The following RCCD1 variants were observed in gnomAD, a reference collection of about 807,000 sequenced individuals.
RCCD1 encodes RCC1 domain-containing protein 1.
Under a neutral mutation model 37.6 loss-of-function variants are expected in RCCD1, and 40 were observed. The ratio of observed to expected loss-of-function variants is 1.06; its 90% CI spans 0.83 to 1.39. The LOEUF (loss-of-function observed/expected upper bound fraction) is 1.39, where lower values mean the gene tolerates loss of function less well. RCCD1 is among the 40% of genes most tolerant of loss of function. The pLI is 0.00. For missense variants in RCCD1, 577 were observed against 517.3 expected, an observed-to-expected ratio of 1.12 and a Z score of -1.12; for synonymous variants, 263 against 230.0, an observed-to-expected ratio of 1.14 and a Z score of -1.30.
rs781321460 is a variant in RCCD1, at chr15:90,956,776, C to T, written c.42C>T (p.Phe14=). 3.3e-5 allele frequency: 44 copies of T among 1,335,672 alleles called. No individual in the cohort carries two copies. Among genetic ancestry groups the T allele is most frequent in the Non-Finnish European group, 4.2e-5 (44 of 1,042,526 alleles). 82.7% of individuals were successfully genotyped at this position (1,335,672 alleles called of 1,614,324 possible). The change falls in exon 2 of 8, where the codon TTC becomes TTT. Residue 14 remains phenylalanine (F), a synonymous_variant. Coordinates refer to ENST00000394258, the MANE Select transcript of RCCD1 (RefSeq NM_001017919.2). Reference sequence around the variant, plus strand: ...CGGGGGCCTGGTTCGGCTTCGGTTTCTGCGGCTTCGGGCAGGAGCTGGGCT... The same window carrying T: ...CGGGGGCCTGGTTCGGCTTCGGTTTTTGCGGCTTCGGGCAGGAGCTGGGCT... ...ERPGAWFGFG[F]CGFGQELGSG... is the part of the protein sequence containing the mutation.
At position 90,961,709 on chromosome 15, in the gene RCCD1, G is replaced by A; in HGVS notation, c.1071G>A (p.Lys357=). 6.2e-7 allele frequency: 1 copy of A among 1,614,202 alleles called. No homozygotes were observed. Among genetic ancestry groups the A allele is most frequent in the Non-Finnish European group, 8.5e-7 (1 of 1,180,028 alleles). ...EYFVDKQLQV[K]AVTCGPWNTY... ...TTGTAGATAAGCAACTCCAAGTAAA[G>A]GCTGTCACCTGTGGGCCGTGGAACA... Residue 357 remains lysine (K), a synonymous_variant, in exon 8 of 8, where the codon AAG becomes AAA. Transcript: ENST00000394258.
At position 90,960,505 on chromosome 15, in the gene RCCD1, G is replaced by T; in HGVS notation, c.949+7G>T. ...CACACAGCTGTGGTGACACGTGAGT[G>T]GGGCTGGGAGGCACTCTGCTCCACT... On this transcript the variant is annotated splice_region_variant and intron_variant, in intron 6 of 7. Coordinates refer to ENST00000394258, the MANE Select transcript of RCCD1 (RefSeq NM_001017919.2). The T allele has an allele frequency of 6.2e-7, 1 of 1,603,092 alleles. No individual in the cohort carries two copies. The highest frequency in any genetic ancestry group is 8.5e-7 in the Non-Finnish European group (1 of 1,177,770).
At position 90,960,466 on chromosome 15, in the gene RCCD1, G is replaced by T; in HGVS notation, c.917G>T (p.Ser306Ile). ...ATGGGCTCAGATGCAGTCAAGGCCA[G>T]CTGTGGATCCCGGCACACAGCTGTG... Reference protein sequence around the residue: ...LPMGSDAVKASCGSRHTAVVT... With the variant: ...LPMGSDAVKAICGSRHTAVVT... The change falls in exon 6 of 8, where the codon AGC becomes ATC. Residue 306 changes from serine to isoleucine, a missense_variant. Transcript: ENST00000394258. The T allele has an allele frequency of 2.5e-6, 4 of 1,612,180 alleles. No homozygotes were observed. Among genetic ancestry groups the T allele is most frequent in the Non-Finnish European group, 3.4e-6 (4 of 1,179,968 alleles).
At chr15:90,958,627 CAAAAAAA>C (rs5814447) in intron 4 of RCCD1, among the ~76,000 whole-genome samples, 2 of 75,014 alleles carry the variant, frequency 2.7e-5, no homozygotes, top group Non-Finnish European at 5.3e-5. Context: ...GACTCAGTCT[CAAAAAAA>C]AAAAAAAAAA....
Position 90,961,927 on chromosome 15 carries a change from C to A in RCCD1, c.*158C>A. Reference sequence around the variant, plus strand: ...CCTAAACTTGTCTGCACTTTAGAAACACCTGGAGAGCATTGAAAACTCTGC... The same window carrying A: ...CCTAAACTTGTCTGCACTTTAGAAAAACCTGGAGAGCATTGAAAACTCTGC... On this transcript the variant is annotated 3_prime_UTR_variant, in exon 8 of 8. Transcript: ENST00000394258. The A allele has an allele frequency of 1.8e-6, 1 of 569,196 alleles. No individual in the cohort carries two copies. The highest frequency in any genetic ancestry group is 3.0e-6 in the Non-Finnish European group (1 of 335,898). The allele number at this position is 569,196 out of a possible 1,614,324, so 35.3% of individuals were successfully genotyped here.
rs140875352 is a variant in RCCD1 at position 90,960,322 on chromosome 15, C to G, written c.779-6C>G. On this transcript the variant is annotated splice_region_variant and splice_polypyrimidine_tract_variant and intron_variant, in intron 5 of 7. Coordinates refer to ENST00000394258, the MANE Select transcript of RCCD1 (RefSeq NM_001017919.2). Reference sequence around the variant, plus strand: ...TGGTGTTCACATCATTATTATCATTCTGAAGCCACAGAACTGAATGAAGAT... The same window carrying G: ...TGGTGTTCACATCATTATTATCATTGTGAAGCCACAGAACTGAATGAAGAT... 3.0e-3 allele frequency: 4,808 copies of G among 1,592,174 alleles called. 10 individuals carry two copies. Among genetic ancestry groups the G allele is most frequent in the Middle Eastern group, 3.7e-3 (22 of 5,950 alleles).
Position 90,961,685 on chromosome 15 carries a change from T to A in RCCD1, c.1047T>A (p.Phe349Leu), listed in dbSNP as rs766877905. ...ATCGGCCTCGCCGTGTGGAATACTT[T>A]GTAGATAAGCAACTCCAAGTAAAGG... is the stretch of plus-strand genomic sequence containing the variant. ...SLDRPRRVEY[F>L]VDKQLQVKAV... Residue 349 changes from phenylalanine to leucine, a missense_variant, in exon 8 of 8, where the codon TTT becomes TTA. Transcript: ENST00000394258. 4 of 1,614,166 alleles carry A rather than the reference T, an allele frequency of 2.5e-6. No homozygotes were observed. In the South Asian group the frequency reaches 4.4e-5, roughly 18 times the overall value.
At chr15:90,957,562 C>T (rs757397663) in intron 3 of RCCD1, 42 bp from the exon 4 acceptor site, 4 of 1,612,688 alleles carry the variant, frequency 2.5e-6, no homozygotes, top group African/African-American at 1.3e-5. Context: ...GGAGCGGGAC[C>T]CCTTAATGCG....
rs1381352303 is a variant in RCCD1, at chr15:90,960,533, A to G, written c.949+35A>G. ...GCTGGGAGGCACTCTGCTCCACTCGAGCTGGTGCCTACGGAAGGGGGTGTG... is the reference window on the plus strand; with the variant it reads ...GCTGGGAGGCACTCTGCTCCACTCGGGCTGGTGCCTACGGAAGGGGGTGTG... On this transcript the variant is annotated intron_variant, in intron 6 of 7. Transcript: ENST00000394258. 5.1e-6 allele frequency: 8 copies of G among 1,579,798 alleles called. No homozygotes were observed. The African/African-American group carries it at 9.4e-5, about 19-fold the overall frequency.
At chr15:90,960,298 G>A in intron 5 of RCCD1, 30 bp from the exon 6 acceptor site, 2 of 1,569,548 alleles carry the variant, frequency 1.3e-6, no homozygotes, top group East Asian at 2.3e-5. Flanking sequence ...GGGCTCAGTT[G>A]GTGTTCACAT....
chr15:90,956,852 G>A lies in RCCD1; in HGVS notation c.118G>A (p.Asp40Asn). The A allele has an allele frequency of 1.5e-6, 2 of 1,292,494 alleles. No homozygotes were observed. Among genetic ancestry groups the A allele is most frequent in the Non-Finnish European group, 2.0e-6 (2 of 1,019,926 alleles). The allele number at this position is 1,292,494 out of a possible 1,614,324, so 80.1% of individuals were successfully genotyped here. A position where few individuals can be genotyped will look rare whatever the true frequency, so the allele number is the denominator to read the frequency against. ...CCCCAGTCCGCTGCGGGCGGGCGTC[G>A]ACATCTGCCGCGTGAGCGCGAGCTG... The part of the protein sequence containing the change: ...HSPSPLRAGV[D>N]ICRVSASWSY... Residue 40 changes from aspartate to asparagine, a missense_variant, in exon 2 of 8, where the codon GAC becomes AAC. Coordinates refer to ENST00000394258, the MANE Select transcript of RCCD1 (RefSeq NM_001017919.2).
At position 90,961,868 on chromosome 15, in the gene RCCD1, C is replaced by G; in HGVS notation, c.*99C>G. The G allele has an allele frequency of 8.2e-7, 1 of 1,215,184 alleles. No homozygotes were observed. Among genetic ancestry groups the G allele is most frequent in the South Asian group, 1.4e-5 (1 of 69,840 alleles). The allele number at this position is 1,215,184 out of a possible 1,614,324, so 75.3% of individuals were successfully genotyped here. ...CAAGGGCCCCATATTTGCCCCTCCC[C>G]ATCACAGTCCTGCCCTTCACCCTCA... On this transcript the variant is annotated 3_prime_UTR_variant, in exon 8 of 8. Coordinates refer to ENST00000394258, the MANE Select transcript of RCCD1 (RefSeq NM_001017919.2).
chr15:90,954,952 G>C lies in RCCD1; in HGVS notation c.-124+4G>C, dbSNP rs1473170149. 1 of 152,362 alleles carries C rather than the reference G, an allele frequency of 6.6e-6. No homozygotes were observed. The highest frequency in any genetic ancestry group is 1.5e-5 in the Non-Finnish European group (1 of 68,128). The allele number at this position is 152,362 out of a possible 1,614,324, so 9.4% of individuals were successfully genotyped here. On this transcript the variant is annotated splice_donor_region_variant and intron_variant, in intron 1 of 7. Coordinates refer to ENST00000394258, the MANE Select transcript of RCCD1 (RefSeq NM_001017919.2). ...CTGCCGCGGTCCCGGGACTGAGGTG[G>C]GTGGCGGGGTCCGCCCGTCTTGGGC...
chr15:90,962,046 G>A lies in RCCD1; in HGVS notation c.*277G>A, dbSNP rs899467729. The stretch of plus-strand genomic sequence containing the variant: ...TGGCCTGGATAGTGGTAGATTCAAA[G>A]CTCCACCCACCTCATCCCAGGTACA... On this transcript the variant is annotated 3_prime_UTR_variant, in exon 8 of 8. Coordinates refer to ENST00000394258, the MANE Select transcript of RCCD1 (RefSeq NM_001017919.2). 4.3e-6 allele frequency: 1 copy of A among 233,270 alleles called. No homozygotes were observed. Among genetic ancestry groups the A allele is most frequent in the African/African-American group, 2.2e-5 (1 of 44,484 alleles). 14.5% of individuals were successfully genotyped at this position (233,270 alleles called of 1,614,324 possible). A position where few individuals can be genotyped will look rare whatever the true frequency, so the allele number is the denominator to read the frequency against.
In RCCD1 at chr15:90,956,841, G is replaced by T; in HGVS notation, c.107G>T (p.Arg36Leu). 1.5e-6 allele frequency: 2 copies of T among 1,295,346 alleles called. No homozygotes were observed. Among genetic ancestry groups the T allele is most frequent in the Non-Finnish European group, 9.8e-7 (1 of 1,021,532 alleles). 80.2% of individuals were successfully genotyped at this position (1,295,346 alleles called of 1,614,324 possible). A position where few individuals can be genotyped will look rare whatever the true frequency, so the allele number is the denominator to read the frequency against. The change falls in exon 2 of 8, where the codon CGG becomes CTG. Residue 36 changes from arginine to leucine, a missense_variant. By Grantham distance (102) the Arg-to-Leu change is moderately radical (BLOSUM62 -2). Coordinates refer to ENST00000394258, the MANE Select transcript of RCCD1 (RefSeq NM_001017919.2). ...CAGGTGCACAGCCCCAGTCCGCTGC[G>T]GGCGGGCGTCGACATCTGCCGCGTG... The part of the protein sequence containing the change: ...GRQVHSPSPL[R>L]AGVDICRVSA...
Position 90,956,849 on chromosome 15 carries a change from G to A in RCCD1, c.115G>A (p.Val39Ile). 1 of 1,293,096 alleles carries A rather than the reference G, an allele frequency of 7.7e-7. No homozygotes were observed. Among genetic ancestry groups the A allele is most frequent in the Non-Finnish European group, 9.8e-7 (1 of 1,020,270 alleles). The allele number at this position is 1,293,096 out of a possible 1,614,324, so 80.1% of individuals were successfully genotyped here. A position where few individuals can be genotyped will look rare whatever the true frequency, so the allele number is the denominator to read the frequency against. Reference sequence around the variant, plus strand: ...CAGCCCCAGTCCGCTGCGGGCGGGCGTCGACATCTGCCGCGTGAGCGCGAG... The same window carrying A: ...CAGCCCCAGTCCGCTGCGGGCGGGCATCGACATCTGCCGCGTGAGCGCGAG... ...VHSPSPLRAGVDICRVSASWS... is the reference protein window; with the variant it reads ...VHSPSPLRAGIDICRVSASWS... The change falls in exon 2 of 8, where the codon GTC becomes ATC. Residue 39 changes from valine to isoleucine, a missense_variant. Coordinates refer to ENST00000394258, the MANE Select transcript of RCCD1 (RefSeq NM_001017919.2).
intron 4 of RCCD1, among the ~76,000 whole-genome samples, chr15:90,959,402 G>A (rs2037268956): frequency 6.6e-6 from 1 of 152,214 alleles, no homozygotes; most frequent in South Asian, 2.1e-4. Flanking sequence ...CTTTCATCAG[G>A]ACCGGCTGTG....
At chr15:90,960,573 TTC>T in intron 6 of RCCD1, 75 bp downstream of exon 6, 7 of 1,443,318 alleles carry the variant, frequency 4.8e-6, no homozygotes, top group Non-Finnish European at 5.6e-6. Context: ...ACGGAAAAAC[TTC>T]TGTCTTAAGG....
Position 90,959,717 on chromosome 15 carries a change from C to T in RCCD1, c.680-183C>T, listed in dbSNP as rs1387775212. ...AGGGACTTAAAGGGTGATCTGAAGG[C>T]ATTGAGGGGATGTGAACCTAAGACA... On this transcript the variant is annotated intron_variant, in intron 4 of 7. Transcript: ENST00000394258. The T allele has an allele frequency of 4.5e-5, 22 of 486,384 alleles. 1 individual carries two copies. The Admixed American group carries it at 7.0e-4, about 16-fold the overall frequency. The allele number at this position is 486,384 out of a possible 1,614,324, so 30.1% of individuals were successfully genotyped here.
Sources: gnomAD v4.1 joint callset for allele counts (sites outside exome capture counted in the v4.1 genomes callset) on GRCh38, gnomAD v4.1.1 for gene constraint, MANE v1.5 for transcripts, NCBI Gene and HGNC (gene_info 2026-07-23, HGNC 2026-07-21) for gene names.